Variants in PGS1 observed in about 807,000 individuals in gnomAD.
PGS1 encodes the protein CDP-diacylglycerol--glycerol-3-phosphate 3-phosphatidyltransferase, mitochondrial.
In PGS1, 44 loss-of-function variants were observed where a neutral mutation model predicts 58.3. That is an observed-to-expected ratio of 0.75 (90% CI 0.59 to 0.97). The LOEUF (loss-of-function observed/expected upper bound fraction) is 0.97. Among genes scored for constraint, PGS1 ranks in the 50% least tolerant of loss-of-function variants. The pLI is 0.00. For synonymous variants in PGS1, 330 were observed against 311.0 expected (o/e 1.06, Z -0.64); for missense variants, 684 against 731.1 (o/e 0.94, Z 0.74).
intron 7 of PGS1, among the ~76,000 whole-genome samples, chr17:78,412,758 C>T (rs1567994758): frequency 6.6e-6 from 1 of 152,222 alleles, no homozygotes; most frequent in African/African-American, 2.4e-5. Flanking sequence ...TGTCAGTCTT[C>T]CCTCAGTGGG....
rs185376419 is a variant in PGS1 at position 78,392,970 on chromosome 17, A to T, written c.333+305A>T. Among the ~76,000 whole-genome samples, 240 of 152,112 alleles carry T rather than the reference A, an allele frequency of 1.6e-3. 2 individuals carry two copies. Among genetic ancestry groups the T allele is most frequent in the African/African-American group, 5.6e-3 (231 of 41,510 alleles). Reference sequence around the variant, plus strand: ...AAGGGGGTCTCACTATGTTACCCAGATGGGTCTTGAACCACTGGGCTCAAG... The same window carrying T: ...AAGGGGGTCTCACTATGTTACCCAGTTGGGTCTTGAACCACTGGGCTCAAG... On this transcript the variant is annotated intron_variant, in intron 2 of 9. Transcript: ENST00000262764.
intron 1 of PGS1, among the ~76,000 whole-genome samples, chr17:78,382,191 T>C (rs1337745332): frequency 6.6e-6 from 1 of 152,076 alleles, no homozygotes; most frequent in Non-Finnish European, 1.5e-5. Flanking sequence ...CCACCAATAC[T>C]GAAACCATTT....
At chr17:78,410,566 T>A (rs905278212) in intron 7 of PGS1, among the ~76,000 whole-genome samples, 1 of 137,702 alleles carries the variant, frequency 7.3e-6, no homozygotes, top group Non-Finnish European at 1.5e-5. Context: ...CTCCGCCTCC[T>A]GGGTTTAAGC....
chr17:78,417,804 C>CA (rs1035614407), intron 8 of PGS1, among the ~76,000 whole-genome samples: 1 of 151,294 alleles, frequency 6.6e-6, no homozygotes, highest in Non-Finnish European at 1.5e-5. Flanking sequence ...AGTCGCGGTG[C>CA]AACTGTGTGA....
chr17:78,379,413 G>C (rs906490125), intron 1 of PGS1, among the ~76,000 whole-genome samples: 1 of 152,208 alleles, frequency 6.6e-6, no homozygotes, highest in African/African-American at 2.4e-5. Context: ...GAAAAGTACT[G>C]AAGTTATGTA....
intron 9 of PGS1, chr17:78,420,261 G>A: frequency 1.0e-6 from 1 of 983,298 alleles, no homozygotes. Flanking sequence ...GACCTGCTCT[G>A]CCCACCCAGG....
At chr17:78,399,220 C>T (rs2083466363) in intron 4 of PGS1, 128 bp from the exon 5 acceptor site, 3 of 699,134 alleles carry the variant, frequency 4.3e-6, no homozygotes, top group Non-Finnish European at 7.4e-6. Context: ...TAGGAGTAGC[C>T]CCAGCTGGTG....
chr17:78,396,189 G>A (rs1358958030), intron 2 of PGS1, 119 bp from the exon 3 acceptor site: 20 of 736,760 alleles, frequency 2.7e-5, no homozygotes, highest in African/African-American at 1.7e-5. Context: ...ATATTAATTG[G>A]TGAAGACATA....
chr17:78,404,358 C>T (rs1052215935), intron 7 of PGS1, among the ~76,000 whole-genome samples: 4 of 150,130 alleles, frequency 2.7e-5, no homozygotes, highest in Middle Eastern at 3.4e-3. Flanking sequence ...CTCAGTTCAC[C>T]GCAACCTCCA....
At chr17:78,417,614 C>T (rs1012739812) in intron 8 of PGS1, among the ~76,000 whole-genome samples, 12 of 152,274 alleles carry the variant, frequency 7.9e-5, no homozygotes, top group East Asian at 5.8e-4. Context: ...TCCTCCCTCC[C>T]GGCCTCCTGA....
chr17:78,379,989 C>T lies in PGS1; in HGVS notation c.143+1181C>T, dbSNP rs556448031. Among the ~76,000 whole-genome samples the T allele has an allele frequency of 6.1e-4, 93 of 151,854 alleles. 1 individual carries two copies. Among genetic ancestry groups the T allele is most frequent in the African/African-American group, 2.2e-3 (90 of 41,454 alleles). On this transcript the variant is annotated intron_variant, in intron 1 of 9. Transcript: ENST00000262764. The stretch of plus-strand genomic sequence containing the variant: ...TCAAGCGATTCTCCTGCCTCAGCCT[C>T]CCGAGTAGCTGGGATTACAGACATA...
intron 3 of PGS1, 45 bp downstream of exon 3, chr17:78,396,430 C>A: frequency 7.5e-7 from 1 of 1,332,668 alleles, no homozygotes; most frequent in Non-Finnish European, 1.1e-6. Context: ...AGTGAATGGG[C>A]CCCAACATGC....
intron 9 of PGS1, chr17:78,420,123 C>G (rs904985673): frequency 1.4e-5 from 14 of 1,033,776 alleles, no homozygotes; most frequent in Admixed American, 5.0e-5. Context: ...CTGCCCTGGC[C>G]GGCTGTAGTG....
rs200013586 is a variant in PGS1 at position 78,403,533 on chromosome 17, C to A, written c.881-35C>A. ...TGGGCAGAGTCCAGACCCTCCATTT[C>A]TCTTCCCTTCACTCTTCTTTCACGT... is the stretch of plus-strand genomic sequence containing the variant. On this transcript the variant is annotated intron_variant, in intron 6 of 9. Coordinates refer to ENST00000262764, the MANE Select transcript of PGS1 (RefSeq NM_024419.5). 8.8e-5 allele frequency: 141 copies of A among 1,594,244 alleles called. No individual in the cohort carries two copies. In the African/African-American group the frequency reaches 1.7e-3, roughly 19 times the overall value.
intron 7 of PGS1, among the ~76,000 whole-genome samples, chr17:78,405,563 G>A (rs1208985781): frequency 2.0e-5 from 3 of 152,168 alleles, no homozygotes; most frequent in African/African-American, 7.2e-5. Flanking sequence ...AGAATCCCAG[G>A]GGCAGCTCTC....
chr17:78,420,112 G>C, intron 9 of PGS1: 2 of 1,040,130 alleles, frequency 1.9e-6, no homozygotes, highest in Non-Finnish European at 2.3e-6. Flanking sequence ...GCTCTGGCTT[G>C]CTGCCCTGGC....
rs899043742 is a variant in PGS1 at position 78,419,564 on chromosome 17, C to T, written c.1570C>T (p.Leu524=). Residue 524 remains leucine (L), a synonymous_variant, in exon 9 of 10, where the codon CTG becomes TTG. Transcript: ENST00000262764. ...TCCTCAGGAGCAAGAGCAGCTCTAC[C>T]TGAGGTCAGGTGTGGTGTCCTCTGC... ...QLHQEQEQLY[L]RSGVVSSATF... 5 of 1,613,896 alleles carry T rather than the reference C, an allele frequency of 3.1e-6. No homozygotes were observed. The highest frequency in any genetic ancestry group is 2.7e-5 in the African/African-American group (2 of 74,924).
chr17:78,422,403 TTAACCCATGATTTAGGTGAGTAAA>T (rs1266853115), intron 9 of PGS1, among the ~76,000 whole-genome samples: 2 of 152,238 alleles, frequency 1.3e-5, no homozygotes, highest in African/African-American at 4.8e-5. Flanking sequence ...TAGATGCTTC[TTAACCCATGATTTAGGTGAGTAAA>T]CTTGGAAAAA....
chr17:78,386,442 T>A (rs1239637096), intron 1 of PGS1, among the ~76,000 whole-genome samples: 1 of 152,098 alleles, frequency 6.6e-6, no homozygotes, highest in East Asian at 1.9e-4. Flanking sequence ...ATTATCTGAC[T>A]CCCCAGCCCC....
Sources: gnomAD v4.1 joint callset for allele counts (sites outside exome capture counted in the v4.1 genomes callset) on GRCh38, gnomAD v4.1.1 for gene constraint, MANE v1.5 for transcripts, NCBI Gene and HGNC (gene_info 2026-07-23, HGNC 2026-07-21) for gene names.